Variants in CD84 observed in about 807,000 individuals in gnomAD.
CD84 encodes the protein SLAM family member 5.
In CD84, 22 loss-of-function variants were observed where a neutral mutation model predicts 33.8. The observed-to-expected ratio is 0.65, with a 90% CI of 0.46 to 0.93. The LOEUF is 0.93. Among genes scored for constraint, CD84 ranks in the 40% least tolerant of loss-of-function variants. CD84 has a pLI of 0.00. For missense variants in CD84, 400 were observed against 397.6 expected (o/e 1.01, Z -0.05); for synonymous variants, 154 against 145.2 (o/e 1.06, Z -0.44).
In CD84 at chr1:160,553,492, C is replaced by A. The variant is rs765929958; in HGVS notation, c.646G>T (p.Ala216Ser). The A allele has an allele frequency of 1.2e-6, 2 of 1,614,012 alleles. No homozygotes were observed. The highest frequency in any genetic ancestry group is 1.7e-6 in the Non-Finnish European group (2 of 1,179,976). ...ISARQLCADIAMGFRTHHTGL... is the reference protein window; with the variant it reads ...ISARQLCADISMGFRTHHTGL... ...GTGTGGTGAGTACGGAAGCCCATTGCGATGTCTGGAAATAGAAGATGCAGT... is the reference window on the plus strand; with the variant it reads ...GTGTGGTGAGTACGGAAGCCCATTGAGATGTCTGGAAATAGAAGATGCAGT... The change falls in exon 4 of 7, where the codon GCA (alanine) becomes TCA (serine). Residue 216 changes from alanine (A) to serine (S), a missense_variant. Transcript: ENST00000368054.
intron 4 of CD84, chr1:160,552,708 G>T (rs554051344): frequency 1.3e-6 from 2 of 1,546,818 alleles, no homozygotes; most frequent in South Asian, 2.4e-5. Context: ...AACTTACAAG[G>T]GTTCTTAGTG....
chr1:160,572,480 G>A (rs1657748007), intron 1 of CD84, among the ~76,000 whole-genome samples: 1 of 151,978 alleles, frequency 6.6e-6, no homozygotes, highest in Non-Finnish European at 1.5e-5. Context: ...TGTAAAGTGT[G>A]GATAATTATT....
In CD84 at chr1:160,554,020, C is replaced by G; in HGVS notation, c.515G>C (p.Gly172Ala). 1 of 1,614,226 alleles carries G rather than the reference C, an allele frequency of 6.2e-7. No individual in the cohort carries two copies. The highest frequency in any genetic ancestry group is 2.2e-5 in the East Asian group (1 of 44,888). ...KNVTYNWSPLGEEGNVLQIFQ... is the reference protein window; with the variant it reads ...KNVTYNWSPLAEEGNVLQIFQ... ...GATTTGAAGGACATTACCCTCTTCT[C>G]CCAGGGGACTCCAATTGTATGTCAC... is the stretch of plus-strand genomic sequence containing the variant. The change falls in exon 3 of 7, where the codon GGA becomes GCA. Residue 172 changes from glycine to alanine, a missense_variant. Transcript: ENST00000368054.
intron 2 of CD84, among the ~76,000 whole-genome samples, chr1:160,564,410 A>G (rs1657186875): frequency 1.3e-5 from 2 of 152,188 alleles, no homozygotes; most frequent in African/African-American, 4.8e-5. Context: ...TACATTCTTG[A>G]GCATTTATCC....
At chr1:160,548,994 C>G (rs1656003514) in intron 6 of CD84, among the ~76,000 whole-genome samples, 1 of 152,138 alleles carries the variant, frequency 6.6e-6, no homozygotes, top group Admixed American at 6.5e-5. Flanking sequence ...TGCCTGTCCT[C>G]CTTTTCTTCT....
intron 2 of CD84, among the ~76,000 whole-genome samples, chr1:160,557,285 CA>C (rs1265450129): frequency 3.3e-5 from 5 of 152,224 alleles, no homozygotes; most frequent in African/African-American, 1.2e-4. Context: ...CTGATTCAAT[CA>C]TCTTATATTA....
At chr1:160,553,735 G>A in intron 3 of CD84, 160 bp downstream of exon 3, 3 of 1,192,070 alleles carry the variant, frequency 2.5e-6, no homozygotes, top group East Asian at 5.1e-5. Context: ...GAAGGCTTTG[G>A]CCTCTTTCCC....
intron 1 of CD84, among the ~76,000 whole-genome samples, chr1:160,567,842 C>G (rs1044010714): frequency 1.3e-5 from 2 of 152,098 alleles, no homozygotes; most frequent in African/African-American, 4.8e-5. Context: ...TTTGGAGTGT[C>G]CCAGCGTGAA....
chr1:160,560,637 T>C (rs2083128), intron 2 of CD84, among the ~76,000 whole-genome samples: 61,159 of 151,510 alleles, frequency 0.4, 13,884 homozygotes, highest in African/African-American at 0.61. Context: ...TGAGAAATAA[T>C]AAAGATCAGG....
At chr1:160,570,551 T>C (rs993822399) in intron 1 of CD84, among the ~76,000 whole-genome samples, 6 of 152,338 alleles carry the variant, frequency 3.9e-5, no homozygotes, top group Admixed American at 1.3e-4. Context: ...GTGTTGTATA[T>C]GACTTCTGTG....
intron 1 of CD84, among the ~76,000 whole-genome samples, chr1:160,576,164 C>T (rs1228130558): frequency 2.6e-5 from 4 of 152,090 alleles, no homozygotes; most frequent in Admixed American, 6.5e-5. Context: ...TGTCAGCATA[C>T]TTCCACAGGT....
chr1:160,566,309 A>G (rs185907407), intron 1 of CD84, among the ~76,000 whole-genome samples: 2 of 152,302 alleles, frequency 1.3e-5, no homozygotes, highest in Admixed American at 1.3e-4. Flanking sequence ...TTTTCTGTTT[A>G]CTTCCATATT....
chr1:160,567,064 G>A (rs193206804), intron 1 of CD84, among the ~76,000 whole-genome samples: 14 of 152,248 alleles, frequency 9.2e-5, no homozygotes, highest in African/African-American at 3.4e-4. Flanking sequence ...TATGACGTGG[G>A]CCTTGACCAA....
intron 2 of CD84, among the ~76,000 whole-genome samples, chr1:160,562,906 A>G (rs1478198969): frequency 2.0e-5 from 3 of 152,162 alleles, no homozygotes; most frequent in Non-Finnish European, 4.4e-5. Flanking sequence ...AACCACACAC[A>G]GCCCCATTAA....
intron 2 of CD84, among the ~76,000 whole-genome samples, chr1:160,563,948 G>T (rs1338894921): frequency 6.6e-6 from 1 of 151,900 alleles, no homozygotes; most frequent in Non-Finnish European, 1.5e-5. Flanking sequence ...CTCAAACTTT[G>T]GCACAGGTGG....
intron 3 of CD84, 194 bp from the exon 4 acceptor site, chr1:160,553,691 C>T: frequency 1.0e-6 from 1 of 958,028 alleles, no homozygotes; most frequent in Middle Eastern, 3.0e-4. Context: ...TCAGGGGCTG[C>T]CACAGAACAC....
At chr1:160,554,392 C>T (rs898396722) in intron 2 of CD84, among the ~76,000 whole-genome samples, 4 of 152,042 alleles carry the variant, frequency 2.6e-5, no homozygotes, top group Non-Finnish European at 5.9e-5. Flanking sequence ...TTGTATCTGT[C>T]CTTTGTTAAC....
At chr1:160,573,336 A>C (rs1657807204) in intron 1 of CD84, among the ~76,000 whole-genome samples, 1 of 152,094 alleles carries the variant, frequency 6.6e-6, no homozygotes, top group Non-Finnish European at 1.5e-5. Context: ...ATAGACCTAA[A>C]ACCCCATAAT....
intron 2 of CD84, among the ~76,000 whole-genome samples, chr1:160,565,027 A>G (rs1219488161): frequency 6.6e-6 from 1 of 152,232 alleles, no homozygotes. Context: ...ACCTCCCTGT[A>G]TATTTATTTG....
Sources: allele counts gnomAD v4.1 joint callset (sites outside exome capture counted in the v4.1 genomes callset), GRCh38; gene constraint gnomAD v4.1.1; transcripts MANE v1.5; gene names NCBI Gene and HGNC (gene_info 2026-07-23, HGNC 2026-07-21).